The following PTPRT variants were observed in gnomAD, a reference collection of about 807,000 sequenced individuals.
PTPRT encodes receptor-type tyrosine-protein phosphatase T.
In PTPRT, 56 loss-of-function variants were observed where a neutral mutation model predicts 176.8. That is an observed-to-expected ratio of 0.32 (90% CI 0.26 to 0.40). The LOEUF (loss-of-function observed/expected upper bound fraction) is 0.40. PTPRT is among the 10% of genes least tolerant of loss of function. The pLI is 1.00. For missense variants in PTPRT, 1,540 were observed against 1,908.2 expected, an observed-to-expected ratio of 0.81 and a Z score of 3.60; for synonymous variants, 783 against 739.0, an observed-to-expected ratio of 1.06 and a Z score of -0.96.
chr20:42,441,040 A>G (rs1276382470), intron 9 of PTPRT, among the ~76,000 whole-genome samples: 2 of 152,156 alleles, frequency 1.3e-5, no homozygotes, highest in Non-Finnish European at 2.9e-5. Flanking sequence ...TCACAAAATC[A>G]TCCAAACTAT....
At chr20:42,504,223 G>T (rs1228057305) in intron 7 of PTPRT, among the ~76,000 whole-genome samples, 1 of 151,966 alleles carries the variant, frequency 6.6e-6, no homozygotes. Context: ...CTAATTATGT[G>T]TGGGCCCAAA....
chr20:43,155,631 A>T (rs1454517997), intron 1 of PTPRT, among the ~76,000 whole-genome samples: 5 of 152,218 alleles, frequency 3.3e-5, no homozygotes, highest in Admixed American at 2.6e-4. Flanking sequence ...GACTCTAGTT[A>T]ATGATGATAA....
chr20:42,974,905 T>C (rs976560875), intron 1 of PTPRT, among the ~76,000 whole-genome samples: 20 of 152,252 alleles, frequency 1.3e-4, no homozygotes, highest in African/African-American at 4.6e-4. Context: ...ACTTTTTGAG[T>C]ATGATTTCTC....
intron 1 of PTPRT, among the ~76,000 whole-genome samples, chr20:42,926,744 G>A (rs1295982067): frequency 6.6e-6 from 1 of 152,186 alleles, no homozygotes; most frequent in Non-Finnish European, 1.5e-5. Context: ...GTGCAATACA[G>A]AGGAAATCAT....
chr20:43,098,547 CTTTTTTT>C (rs752767685), intron 1 of PTPRT, among the ~76,000 whole-genome samples: 3 of 141,894 alleles, frequency 2.1e-5, no homozygotes, highest in Admixed American at 1.4e-4. Context: ...TCTTTTTTTT[CTTTTTTT>C]TTTTTTTGTT....
chr20:42,918,004 C>T (rs1285588178), intron 1 of PTPRT, among the ~76,000 whole-genome samples: 1 of 152,166 alleles, frequency 6.6e-6, no homozygotes, highest in African/African-American at 2.4e-5. Context: ...AGGTGCATCT[C>T]TCTGATCCTG....
At chr20:42,813,000 AG>A (rs1253659357) in intron 2 of PTPRT, among the ~76,000 whole-genome samples, 4 of 152,166 alleles carry the variant, frequency 2.6e-5, no homozygotes, top group African/African-American at 9.7e-5. Context: ...GTTCATATTC[AG>A]TTGACTACTT....
intron 1 of PTPRT, among the ~76,000 whole-genome samples, chr20:43,105,347 T>G (rs893871728): frequency 4.6e-5 from 7 of 151,562 alleles, no homozygotes; most frequent in African/African-American, 1.5e-4. Flanking sequence ...GCCCCCTTCA[T>G]AGGGACCAAT....
chr20:43,065,202 A>G (rs1490238464), intron 1 of PTPRT, among the ~76,000 whole-genome samples: 1 of 152,216 alleles, frequency 6.6e-6, no homozygotes, highest in Non-Finnish European at 1.5e-5. Context: ...GGCTTAAAAC[A>G]ATGAACGTTT....
intron 1 of PTPRT, among the ~76,000 whole-genome samples, chr20:43,013,060 T>A (rs1985206024): frequency 6.6e-6 from 1 of 152,126 alleles, no homozygotes; most frequent in Non-Finnish European, 1.5e-5. Context: ...CTAAGGAGTC[T>A]TTTTATGAAT....
chr20:42,885,740 T>C, intron 2 of PTPRT, 67 bp downstream of exon 2: 1 of 1,550,232 alleles, frequency 6.5e-7, no homozygotes, highest in Non-Finnish European at 8.8e-7. Flanking sequence ...AGTAAGTTCT[T>C]CCCCCCATGA....
intron 17 of PTPRT, among the ~76,000 whole-genome samples, chr20:42,154,675 C>G (rs938611271): frequency 3.3e-5 from 5 of 152,224 alleles, no homozygotes; most frequent in Admixed American, 3.3e-4. Flanking sequence ...TCTTCCTTCT[C>G]TCCCATCACA....
chr20:42,150,748 G>C (rs1290381002), intron 17 of PTPRT, among the ~76,000 whole-genome samples: 1 of 151,668 alleles, frequency 6.6e-6, no homozygotes, highest in Non-Finnish European at 1.5e-5. Flanking sequence ...CATCCTGAAG[G>C]TTATGGGTGG....
At chr20:42,448,479 T>G in intron 8 of PTPRT, 150 bp from the exon 9 acceptor site, 1 of 625,676 alleles carries the variant, frequency 1.6e-6, no homozygotes, top group Non-Finnish European at 2.9e-6. Context: ...CTGTTACAAC[T>G]ACTCAACTCT....
At chr20:42,280,870 C>A (rs929595516) in intron 13 of PTPRT, among the ~76,000 whole-genome samples, 6 of 152,120 alleles carry the variant, frequency 3.9e-5, no homozygotes, top group African/African-American at 1.4e-4. Context: ...GTTTCCAATT[C>A]TCAGTTCAGA....
chr20:42,904,253 C>G (rs1465157105), intron 1 of PTPRT, among the ~76,000 whole-genome samples: 1 of 152,180 alleles, frequency 6.6e-6, no homozygotes, highest in Non-Finnish European at 1.5e-5. Context: ...CAACCTCACT[C>G]CACCTCAGGC....
chr20:42,885,453 T>C (rs1421074397), intron 2 of PTPRT, among the ~76,000 whole-genome samples: 1 of 151,620 alleles, frequency 6.6e-6, no homozygotes, highest in African/African-American at 2.4e-5. Context: ...ATACAACCTA[T>C]GTCCATGTGG....
chr20:42,626,961 C>T (rs17810239), intron 7 of PTPRT, among the ~76,000 whole-genome samples: 34,753 of 152,136 alleles, frequency 0.23, 4,351 homozygotes, highest in Non-Finnish European at 0.29. Flanking sequence ...TAAATCACAG[C>T]TACACATTAC....
At chr20:42,262,423 C>T (rs557878430) in intron 13 of PTPRT, among the ~76,000 whole-genome samples, 22 of 152,294 alleles carry the variant, frequency 1.4e-4, no homozygotes, top group African/African-American at 2.4e-4. Context: ...AGATCCCAGG[C>T]GAGACACTGG....
Sources: gnomAD v4.1 joint callset for allele counts (sites outside exome capture counted in the v4.1 genomes callset) on GRCh38, gnomAD v4.1.1 for gene constraint, MANE v1.5 for transcripts, NCBI Gene and HGNC (gene_info 2026-07-23, HGNC 2026-07-21) for gene names.